ELF2: variants seen among roughly 807,000 people sequenced by gnomAD.
ELF2 encodes E74 like ETS transcription factor 2.
ELF2 carries 11 observed loss-of-function variants against 54.8 expected under a neutral mutation model. That is an observed-to-expected ratio of 0.20 (90% confidence interval 0.13 to 0.33). The LOEUF is 0.33. Ranked by LOEUF, ELF2 falls within the 10% of genes least tolerant of loss-of-function variation. ELF2 has a pLI of 1.00. For missense variants in ELF2, 513 were observed against 703.0 expected (o/e 0.73, Z 3.06); for synonymous variants, 203 against 245.1 (o/e 0.83, Z 1.61).
chr4:139,098,405 T>C (rs1320094088), intron 4 of ELF2, among the ~76,000 whole-genome samples: 2 of 152,162 alleles, frequency 1.3e-5, no homozygotes, highest in Non-Finnish European at 2.9e-5. Flanking sequence ...CTAAATTCTA[T>C]TTTATTATAC....
intron 4 of ELF2, among the ~76,000 whole-genome samples, chr4:139,094,884 GTT>G (rs1313307254): frequency 6.6e-6 from 1 of 151,762 alleles, no homozygotes; most frequent in Non-Finnish European, 1.5e-5. Context: ...TTTTGTTTTT[GTT>G]TTTTTACTAT....
At chr4:139,074,999 A>G (rs1456127767) in intron 4 of ELF2, among the ~76,000 whole-genome samples, 1 of 152,184 alleles carries the variant, frequency 6.6e-6, no homozygotes, top group Non-Finnish European at 1.5e-5. Flanking sequence ...CATGCATTAT[A>G]TTTACTGCCA....
chr4:139,163,747 C>A (rs1741401247), intron 1 of ELF2, among the ~76,000 whole-genome samples: 1 of 151,990 alleles, frequency 6.6e-6, no homozygotes, highest in African/African-American at 2.4e-5. Context: ...AACCCCGTCT[C>A]TACAAAAAAT....
chr4:139,156,837 T>G (rs1435953821), intron 1 of ELF2, among the ~76,000 whole-genome samples: 2 of 152,110 alleles, frequency 1.3e-5, no homozygotes, highest in African/African-American at 4.8e-5. Context: ...TTTCACCATG[T>G]TGGCCAGGCT....
chr4:139,106,947 C>T (rs528822275), intron 4 of ELF2, among the ~76,000 whole-genome samples: 10 of 151,736 alleles, frequency 6.6e-5, no homozygotes, highest in East Asian at 5.8e-4. Flanking sequence ...GGTTTCACCA[C>T]GTTACTCAGG....
intron 6 of ELF2, 111 bp from the exon 7 acceptor site, chr4:139,067,881 A>G (rs967988789): frequency 2.0e-6 from 2 of 1,019,768 alleles, no homozygotes; most frequent in African/African-American, 3.2e-5. Context: ...ACTAATTTGT[A>G]GATGAATATA....
chr4:139,173,459 A>AT (rs1742542759), intron 1 of ELF2, among the ~76,000 whole-genome samples: 1 of 152,152 alleles, frequency 6.6e-6, no homozygotes. Flanking sequence ...TTACTCATCA[A>AT]TAAAAAAAAT....
chr4:139,175,347 C>CAG (rs1194993843), intron 1 of ELF2, among the ~76,000 whole-genome samples: 1 of 152,152 alleles, frequency 6.6e-6, no homozygotes, highest in Non-Finnish European at 1.5e-5. Context: ...AGTTAAATCA[C>CAG]TAAACTTAAA....
At chr4:139,099,585 C>T (rs1733657076) in intron 4 of ELF2, among the ~76,000 whole-genome samples, 1 of 152,204 alleles carries the variant, frequency 6.6e-6, no homozygotes, top group Non-Finnish European at 1.5e-5. Context: ...TGGCACCAAA[C>T]CACAGCTGGA....
Position 139,057,297 on chromosome 4 carries a change from GA to G in ELF2, c.*1685del. 1 of 152,136 alleles carries G rather than the reference GA, an allele frequency of 6.6e-6. No homozygotes were observed. Among genetic ancestry groups the G allele is most frequent in the Non-Finnish European group, 1.5e-5 (1 of 68,018 alleles). The allele number at this position is 152,136 out of a possible 1,614,324, so 9.4% of individuals were successfully genotyped here. A position where few individuals can be genotyped will look rare whatever the true frequency, so the allele number is the denominator to read the frequency against. Reference sequence around the variant, plus strand: ...TAAAAGTATCATCAATATATTTATGGAAAAGTTTAAAAGATTACAAAGGGAA... The same window carrying G: ...TAAAAGTATCATCAATATATTTATGGAAAGTTTAAAAGATTACAAAGGGAA... On this transcript the variant is annotated 3_prime_UTR_variant, in exon 10 of 10. Transcript: ENST00000686138.
At chr4:139,173,479 G>A (rs559014653) in intron 1 of ELF2, among the ~76,000 whole-genome samples, 1 of 152,128 alleles carries the variant, frequency 6.6e-6, no homozygotes, top group East Asian at 1.9e-4. Context: ...TGATTACAGG[G>A]TGGGTGCAGT....
At chr4:139,069,151 G>T (rs966314434) in intron 6 of ELF2, among the ~76,000 whole-genome samples, 1 of 152,062 alleles carries the variant, frequency 6.6e-6, no homozygotes, top group African/African-American at 2.4e-5. Context: ...TTACAGACAC[G>T]AGCCACAGCA....
intron 4 of ELF2, among the ~76,000 whole-genome samples, chr4:139,090,112 G>C (rs1472441882): frequency 2.0e-5 from 3 of 152,084 alleles, no homozygotes; most frequent in African/African-American, 7.2e-5. Flanking sequence ...AATAATTTTA[G>C]AGACAAGGGT....
At chr4:139,171,665 T>C (rs531956808) in intron 1 of ELF2, among the ~76,000 whole-genome samples, 82 of 151,200 alleles carry the variant, frequency 5.4e-4, no homozygotes, top group African/African-American at 1.9e-3. Flanking sequence ...GGCTCACGCC[T>C]GTAATCCTAG....
At chr4:139,130,941 G>C (rs1737429473) in intron 3 of ELF2, among the ~76,000 whole-genome samples, 1 of 152,150 alleles carries the variant, frequency 6.6e-6, no homozygotes, top group Non-Finnish European at 1.5e-5. Context: ...GATAATTATT[G>C]CCTTGTACTG....
At chr4:139,149,893 G>A (rs981782612) in intron 1 of ELF2, among the ~76,000 whole-genome samples, 2 of 152,114 alleles carry the variant, frequency 1.3e-5, no homozygotes, top group Non-Finnish European at 2.9e-5. Flanking sequence ...TCTTGACAAA[G>A]ATAGTAAACA....
At chr4:139,057,220 G>C (rs576138126), downstream of ELF2, 1 of 152,282 alleles carries the variant, frequency 6.6e-6, no homozygotes, top group African/African-American at 2.4e-5. Flanking sequence ...GAATTTGAGA[G>C]TAACTCCCAA....
intron 1 of ELF2, among the ~76,000 whole-genome samples, chr4:139,176,686 C>T (rs749690007): frequency 2.0e-5 from 3 of 152,086 alleles, no homozygotes; most frequent in Non-Finnish European, 2.9e-5. Flanking sequence ...CTCAGCCCTG[C>T]CCCGCGCCCC....
At position 139,085,617 on chromosome 4, in the gene ELF2, C is replaced by A. The variant is rs578125161; in HGVS notation, c.239-12050G>T. ...TTATTCTCTTGGTCCTTTTACCCTA[C>A]CCCTATCACCATGATCCTCACTCTC... On this transcript the variant is annotated intron_variant, in intron 4 of 9. Transcript: ENST00000686138. Among the ~76,000 whole-genome samples, 20 of 152,278 alleles carry A rather than the reference C, an allele frequency of 1.3e-4. No homozygotes were observed. In the East Asian group the frequency reaches 3.3e-3, roughly 25 times the overall value.
Sources: gnomAD v4.1 joint callset for allele counts (sites outside exome capture counted in the v4.1 genomes callset) on GRCh38, gnomAD v4.1.1 for gene constraint, MANE v1.5 for transcripts, NCBI Gene and HGNC (gene_info 2026-07-23, HGNC 2026-07-21) for gene names.